The following STT3B variants were observed in gnomAD, a reference collection of about 807,000 sequenced individuals.
STT3B encodes dolichyl-diphosphooligosaccharide--protein glycosyltransferase subunit STT3B.
STT3B carries 29 observed loss-of-function variants against 96.8 expected under a neutral mutation model. The ratio of observed to expected loss-of-function variants is 0.30; its 90% CI spans 0.22 to 0.41. The LOEUF is 0.41. STT3B is among the 10% of genes least tolerant of loss of function. STT3B has a pLI of 1.00. For missense variants in STT3B, 640 were observed against 1,022.3 expected (o/e 0.63, Z 5.10); for synonymous variants, 367 against 360.0 (o/e 1.02, Z -0.22).
chr3:31,615,057 C>A, intron 5 of STT3B, 48 bp from the exon 6 acceptor site: 2 of 1,167,066 alleles, frequency 1.7e-6, no homozygotes, highest in Non-Finnish European at 2.5e-6. Context: ...GTTTTAGGTA[C>A]TTAATGGTAG....
chr3:31,533,348 C>A, intron 1 of STT3B, 36 bp downstream of exon 1: 3 of 1,456,466 alleles, frequency 2.1e-6, no homozygotes, highest in South Asian at 1.3e-5. Context: ...GCCCGTGGCC[C>A]GCGGGGAACC....
chr3:31,615,216 T>G lies in STT3B; in HGVS notation c.976+13T>G. 1 of 1,572,314 alleles carries G rather than the reference T, an allele frequency of 6.4e-7. No individual in the cohort carries two copies. The highest frequency in any genetic ancestry group is 1.4e-5 in the African/African-American group (1 of 73,670). ...ATGGCAGCTGCAGGTATGAAAAATA[T>G]ATATTTTCCTTCTTCTAAAGAATAT... On this transcript the variant is annotated intron_variant, in intron 6 of 15. Transcript: ENST00000295770.
At chr3:31,609,777 T>C (rs960657928) in intron 5 of STT3B, among the ~76,000 whole-genome samples, 1 of 152,074 alleles carries the variant, frequency 6.6e-6, no homozygotes. Context: ...GTATTTTTAG[T>C]GGAGATGGGG....
intron 11 of STT3B, 86 bp from the exon 12 acceptor site, chr3:31,624,828 T>C (rs1264847135): frequency 9.8e-7 from 1 of 1,017,498 alleles, no homozygotes; most frequent in African/African-American, 1.6e-5. Flanking sequence ...TCTGAAAGTA[T>C]TCAGTGGTTT....
At chr3:31,541,546 A>T (rs1559357613) in intron 1 of STT3B, among the ~76,000 whole-genome samples, 1 of 139,646 alleles carries the variant, frequency 7.2e-6, no homozygotes, top group Admixed American at 7.5e-5. Context: ...GACAATATGT[A>T]CGTAAGTAAT....
At chr3:31,587,276 G>A (rs892152823) in intron 3 of STT3B, among the ~76,000 whole-genome samples, 6 of 137,240 alleles carry the variant, frequency 4.4e-5, no homozygotes, top group South Asian at 2.4e-4. Context: ...AAAAAGCCTC[G>A]CCCATGATCA....
At chr3:31,551,213 G>C (rs1001251187) in intron 1 of STT3B, among the ~76,000 whole-genome samples, 2 of 151,580 alleles carry the variant, frequency 1.3e-5, no homozygotes, top group Non-Finnish European at 2.9e-5. Flanking sequence ...TTGTTTGTTT[G>C]TTTGTTTGTT....
In STT3B at chr3:31,604,529, A is replaced by G. The variant is rs903896660; in HGVS notation, c.877+4070A>G. ...TCTACCATACTACTGAGGAAATTAA[A>G]GCAAATTTCACTCACCATACATTTA... On this transcript the variant is annotated intron_variant, in intron 5 of 15. Transcript: ENST00000295770. 7.9e-5 allele frequency among the ~76,000 whole-genome samples: 12 copies of G among 152,336 alleles called. No individual in the cohort carries two copies. In the East Asian group the frequency reaches 2.1e-3, roughly 27 times the overall value.
At position 31,617,190 on chromosome 3, in the gene STT3B, T is replaced by TC; in HGVS notation, c.1123+115_1123+116insC. On this transcript the variant is annotated intron_variant, in intron 7 of 15. Coordinates refer to ENST00000295770, the MANE Select transcript of STT3B (RefSeq NM_178862.3). ...TGACTACAAAGTGATTTTTTTCTTT[T>TC]TTTTTTTTTTTGAATAGTATATCTT... 7 of 802,930 alleles carry TC rather than the reference T, an allele frequency of 8.7e-6. No homozygotes were observed. The South Asian group carries it at 2.3e-4, about 27-fold the overall frequency. 49.7% of individuals were successfully genotyped at this position (802,930 alleles called of 1,614,324 possible). A position where few individuals can be genotyped will look rare whatever the true frequency, so the allele number is the denominator to read the frequency against.
chr3:31,619,665 T>C lies in STT3B; in HGVS notation c.1173-11T>C, dbSNP rs760358444. On this transcript the variant is annotated splice_polypyrimidine_tract_variant and intron_variant, in intron 8 of 15. Transcript: ENST00000295770. ...CTTAATTGTAAACAATATTAACTTT[T>C]TTAATACCAGGTATGCAAAAATACA... 3.1e-6 allele frequency: 5 copies of C among 1,600,354 alleles called. No homozygotes were observed. The highest frequency in any genetic ancestry group is 3.5e-5 in the Admixed American group (2 of 56,962).
intron 9 of STT3B, chr3:31,620,056 CCT>C: frequency 9.1e-7 from 1 of 1,093,590 alleles, no homozygotes; most frequent in Non-Finnish European, 1.2e-6. Context: ...GGGCGGATCA[CCT>C]GAGGTCAGGA....
chr3:31,583,639 C>A (rs567859911), intron 3 of STT3B, among the ~76,000 whole-genome samples: 1 of 152,292 alleles, frequency 6.6e-6, no homozygotes, highest in South Asian at 2.1e-4. Context: ...TACATAACTG[C>A]ATGTAGTTGG....
At chr3:31,602,421 C>T (rs930052049) in intron 5 of STT3B, among the ~76,000 whole-genome samples, 8 of 151,516 alleles carry the variant, frequency 5.3e-5, no homozygotes, top group African/African-American at 1.9e-4. Flanking sequence ...ATTTAATGGT[C>T]AGAGGAATAC....
intron 1 of STT3B, among the ~76,000 whole-genome samples, chr3:31,542,373 T>A (rs1055768470): frequency 6.6e-6 from 1 of 152,240 alleles, no homozygotes; most frequent in Non-Finnish European, 1.5e-5. Context: ...TGTATTGATA[T>A]ATTTGTAGAG....
chr3:31,553,051 G>A (rs1377019654), intron 1 of STT3B, among the ~76,000 whole-genome samples: 3 of 147,070 alleles, frequency 2.0e-5, no homozygotes, highest in South Asian at 2.1e-4. Context: ...GCAGTGAGTC[G>A]AGATCGCGCC....
At chr3:31,604,078 G>C (rs1432662098) in intron 5 of STT3B, among the ~76,000 whole-genome samples, 2 of 152,214 alleles carry the variant, frequency 1.3e-5, no homozygotes, top group Middle Eastern at 6.8e-3. Flanking sequence ...ATTGATGAAT[G>C]CTTTTGAAAT....
At chr3:31,559,428 T>C (rs1164214728) in intron 1 of STT3B, among the ~76,000 whole-genome samples, 3 of 151,968 alleles carry the variant, frequency 2.0e-5, no homozygotes, top group Non-Finnish European at 4.4e-5. Flanking sequence ...AAATTTTTTT[T>C]ATTTTCTCCT....
At chr3:31,574,985 CTTTTA>C (rs1349719590) in intron 1 of STT3B, among the ~76,000 whole-genome samples, 1 of 152,062 alleles carries the variant, frequency 6.6e-6, no homozygotes, top group Non-Finnish European at 1.5e-5. Flanking sequence ...TTTAGCCTAT[CTTTTA>C]TTTTATCTTG....
chr3:31,623,584 A>G, intron 10 of STT3B, 90 bp from the exon 11 acceptor site: 1 of 950,370 alleles, frequency 1.1e-6, no homozygotes, highest in Non-Finnish European at 1.6e-6. Context: ...AAATTGATAG[A>G]TAAACAGTCT....
Sources: gnomAD v4.1 joint callset for allele counts (sites outside exome capture counted in the v4.1 genomes callset) on GRCh38, gnomAD v4.1.1 for gene constraint, MANE v1.5 for transcripts, NCBI Gene and HGNC (gene_info 2026-07-23, HGNC 2026-07-21) for gene names.